The following ANKRD26 variants were observed in gnomAD, a reference collection of about 807,000 sequenced individuals.
The protein encoded by ANKRD26 is ankyrin repeat domain-containing protein 26.
ANKRD26 carries 141 observed loss-of-function variants against 208.7 expected under a neutral mutation model. The observed-to-expected ratio is 0.68, with a 90% confidence interval of 0.59 to 0.78. The LOEUF is 0.78. Among genes scored for constraint, ANKRD26 ranks in the 30% least tolerant of loss-of-function variants. The probability of loss-of-function intolerance (pLI) is 0.00; values close to 1 mark genes in which losing one functional copy is unlikely to be tolerated. For synonymous variants in ANKRD26, 636 were observed against 660.4 expected, an observed-to-expected ratio of 0.96 and a Z score of 0.57; for missense variants, 1,889 against 1,938.7, an observed-to-expected ratio of 0.97 and a Z score of 0.48.
chr10:27,060,421 A>C lies in ANKRD26; in HGVS notation c.1492-4T>G. On this transcript the variant is annotated splice_polypyrimidine_tract_variant and splice_region_variant and intron_variant, in intron 14 of 33. Coordinates refer to ENST00000376087, the MANE Select transcript of ANKRD26 (RefSeq NM_014915.3). ...AATCTTTCATTTCAATGGTAGGCTG[A>C]ATGGGTTTTGAAACAAAATGATTAA... 1 of 1,610,752 alleles carries C rather than the reference A, an allele frequency of 6.2e-7. No homozygotes were observed. The highest frequency in any genetic ancestry group is 8.5e-7 in the Non-Finnish European group (1 of 1,177,168).
downstream of ANKRD26, among the ~76,000 whole-genome samples, chr10:26,973,820 A>AT (rs2052184663): frequency 6.6e-6 from 1 of 150,894 alleles, no homozygotes; most frequent in South Asian, 2.1e-4. Context: ...CGCCTGGCTA[A>AT]TTTTTGTATT....
chr10:26,951,779 C>A, the ANKRD26 span, among the ~76,000 whole-genome samples: 1 of 152,146 alleles, frequency 6.6e-6, no homozygotes, highest in Non-Finnish European at 1.5e-5. Flanking sequence ...CTGACTTTAA[C>A]GGTGTATTAG....
rs972235690 is a variant in ANKRD26, at chr10:27,086,526, T to C, written c.709+13A>G. Reference sequence around the variant, plus strand: ...TACTATTACCAAGAGAAATTCACTATTGGAAGTCTTACCTGAATTACTATT... The same window carrying C: ...TACTATTACCAAGAGAAATTCACTACTGGAAGTCTTACCTGAATTACTATT... On this transcript the variant is annotated intron_variant, in intron 5 of 33. Coordinates refer to ENST00000376087, the MANE Select transcript of ANKRD26 (RefSeq NM_014915.3). The C allele has an allele frequency of 5.2e-5, 84 of 1,604,778 alleles. No homozygotes were observed. Among genetic ancestry groups the C allele is most frequent in the Non-Finnish European group, 6.5e-5 (76 of 1,174,676 alleles).
intron 5 of ANKRD26, among the ~76,000 whole-genome samples, chr10:27,083,753 A>G (rs1368483068): frequency 6.6e-6 from 1 of 152,204 alleles, no homozygotes; most frequent in African/African-American, 2.4e-5. Flanking sequence ...CCTTCCATCT[A>G]TCCTGTATAT....
chr10:26,952,263 T>C, the ANKRD26 span, among the ~76,000 whole-genome samples: 1 of 151,920 alleles, frequency 6.6e-6, no homozygotes, highest in African/African-American at 2.4e-5. Context: ...GCTTGTGGTG[T>C]GCTGTGCCCA....
At position 27,060,525 on chromosome 10, in the gene ANKRD26, T is replaced by C. The variant is rs942439353; in HGVS notation, c.1478A>G (p.Tyr493Cys). 3.9e-6 allele frequency: 6 copies of C among 1,545,748 alleles called. No homozygotes were observed. The African/African-American group carries it at 8.2e-5, about 21-fold the overall frequency. ...AAAACTTATTACCTTCAAGTGAAGA[T>C]ATCTCTCAGGAGACTCTAAAAACCA... ...PVAHMESPER[Y>C]LHLKPTIEMK... The change falls in exon 14 of 34, where the codon TAT (tyrosine) becomes TGT (cysteine). Residue 493 changes from tyrosine (Y) to cysteine (C), a missense_variant. Tyr to Cys is a radical substitution (Grantham distance 194). Around this residue, in one of 3 missense-constraint regions of ANKRD26, gnomAD observed 1,272 missense variants for 1,273.8 expected, o/e 1.00. Transcript: ENST00000376087.
intron 30 of ANKRD26, among the ~76,000 whole-genome samples, chr10:27,016,807 G>A (rs2053308546): frequency 6.6e-6 from 1 of 152,034 alleles, no homozygotes; most frequent in Admixed American, 6.6e-5. Context: ...TATAAAACCT[G>A]GGTAATTATT....
At chr10:27,074,972 T>G (rs747535093) in intron 9 of ANKRD26, among the ~76,000 whole-genome samples, 1 of 152,084 alleles carries the variant, frequency 6.6e-6, no homozygotes, top group Non-Finnish European at 1.5e-5. Flanking sequence ...CCAAGAATTC[T>G]GTATCAAGCA....
At chr10:27,005,867 TTAAATA>T (rs1418926497) in intron 33 of ANKRD26, 144 bp from the exon 34 acceptor site, 2 of 1,045,814 alleles carry the variant, frequency 1.9e-6, no homozygotes, top group Non-Finnish European at 2.6e-6. Flanking sequence ...AATATTACTA[TTAAATA>T]TAATTTGCCC....
At position 27,093,874 on chromosome 10, in the gene ANKRD26, ACATTAAATAG is replaced by A. The variant is rs797045239; in HGVS notation, c.243-85_243-76del. 8.5e-7 allele frequency: 1 copy of A among 1,172,646 alleles called. No individual in the cohort carries two copies. The highest frequency in any genetic ancestry group is 2.1e-4 in the Middle Eastern group (1 of 4,792). 72.6% of individuals were successfully genotyped at this position (1,172,646 alleles called of 1,614,324 possible). On this transcript the variant is annotated intron_variant, in intron 1 of 33. Coordinates refer to ENST00000376087, the MANE Select transcript of ANKRD26 (RefSeq NM_014915.3). ...CATACAATGGTTCATAAAATTATAAACATTAAATAGCATGTTGATATGGTTTGGCTGTGTC... is the reference window on the plus strand; with the variant it reads ...CATACAATGGTTCATAAAATTATAAACATGTTGATATGGTTTGGCTGTGTC...
At chr10:26,998,370 C>T (rs746838091) in intron 4 of ANKRD26, among the ~76,000 whole-genome samples, 7 of 152,164 alleles carry the variant, frequency 4.6e-5, no homozygotes, top group African/African-American at 7.2e-5. Flanking sequence ...AGAAGGTGCT[C>T]GCTCCCAGGC....
rs138199300 is a variant in ANKRD26, at chr10:27,068,772, G to T, written c.1078-1486C>A. Among the ~76,000 whole-genome samples, 582 of 152,090 alleles carry T rather than the reference G, an allele frequency of 3.8e-3. 2 individuals carry two copies. Among genetic ancestry groups the T allele is most frequent in the African/African-American group, 0.012 (494 of 41,428 alleles). ...AATGTAAACATAGATAAACATGGGG[G>T]TTGGGGGAGTGGTCAGGACAAAAAT... is the stretch of plus-strand genomic sequence containing the variant. On this transcript the variant is annotated intron_variant, in intron 9 of 33. Transcript: ENST00000376087.
At chr10:26,965,422 T>C in the ANKRD26 span, among the ~76,000 whole-genome samples, 1 of 152,212 alleles carries the variant, frequency 6.6e-6, no homozygotes, top group African/African-American at 2.4e-5. Flanking sequence ...GAAAACTGGC[T>C]AGCCATATGC....
chr10:27,077,784 G>T, intron 7 of ANKRD26, 91 bp from the exon 8 acceptor site: 5 of 1,136,668 alleles, frequency 4.4e-6, no homozygotes, highest in Non-Finnish European at 5.1e-6. Context: ...ATTACTACAT[G>T]ATCTAACACA....
At chr10:26,999,267 TGC>T (rs2052666129), downstream of ANKRD26, among the ~76,000 whole-genome samples, 1 of 152,250 alleles carries the variant, frequency 6.6e-6, no homozygotes, top group Admixed American at 6.5e-5. Flanking sequence ...ACTAAATATT[TGC>T]ATGACAATTC....
At chr10:26,967,355 C>T in the ANKRD26 span, among the ~76,000 whole-genome samples, 2 of 152,158 alleles carry the variant, frequency 1.3e-5, no homozygotes, top group Non-Finnish European at 2.9e-5. Flanking sequence ...AAGAGATGAG[C>T]CAGGATGCTA....
chr10:27,046,493 T>C lies in ANKRD26; in HGVS notation c.1845A>G (p.Val615=), dbSNP rs2054450289. The change falls in exon 18 of 34, where the codon GTA becomes GTG. Residue 615 remains valine (V), a synonymous_variant. Transcript: ENST00000376087. ...TCCGTTTTTCTTTTTCAGTGCTCTTTACTTCCTTCATTTGCAAGGCAGGAC... is the reference window on the plus strand; with the variant it reads ...TCCGTTTTTCTTTTTCAGTGCTCTTCACTTCCTTCATTTGCAAGGCAGGAC... ...SSGPALQMKE[V]KSTEKEKRTS... 1 of 1,614,054 alleles carries C rather than the reference T, an allele frequency of 6.2e-7. No homozygotes were observed. The highest frequency in any genetic ancestry group is 1.6e-4 in the Middle Eastern group (1 of 6,062).
At chr10:27,017,823 T>C in intron 29 of ANKRD26, 31 bp from the exon 30 acceptor site, 1 of 1,594,268 alleles carries the variant, frequency 6.3e-7, no homozygotes, top group Non-Finnish European at 8.5e-7. Context: ...AGTGTAATAA[T>C]GAAGGAAGTA....
chr10:27,022,234 G>A (rs1378327974), intron 29 of ANKRD26, among the ~76,000 whole-genome samples: 1 of 152,134 alleles, frequency 6.6e-6, no homozygotes, highest in African/African-American at 2.4e-5. Context: ...GGGACACACG[G>A]AGGGGAACAA....
Sources: allele counts gnomAD v4.1 joint callset (sites outside exome capture counted in the v4.1 genomes callset), GRCh38; gene constraint gnomAD v4.1.1; regional missense constraint gnomAD v4.1.1; transcripts MANE v1.5; gene names NCBI Gene and HGNC (gene_info 2026-07-23, HGNC 2026-07-21).